C5: variants seen among roughly 807,000 people sequenced by gnomAD.
C5 encodes the protein complement C5, also known as C3 and PZP-like alpha-2-macroglobulin domain-containing protein 4.
C5 carries 140 observed loss-of-function variants against 218.8 expected under a neutral mutation model. That is an observed-to-expected ratio of 0.64 (90% CI 0.56 to 0.74). C5 has a LOEUF of 0.74. Among genes scored for constraint, C5 ranks in the 30% least tolerant of loss-of-function variants. The pLI is 0.00. For synonymous variants in C5, 614 were observed against 682.3 expected (o/e 0.90, Z 1.56); for missense variants, 1,700 against 1,969.6 (o/e 0.86, Z 2.59).
intron 25 of C5, among the ~76,000 whole-genome samples, chr9:120,984,559 T>C (rs574605359): frequency 6.6e-6 from 1 of 152,238 alleles, no homozygotes; most frequent in East Asian, 1.9e-4. Flanking sequence ...CATCTGTATA[T>C]ATAAAGATGC....
At chr9:121,012,944 C>A (rs539998826) in intron 17 of C5, among the ~76,000 whole-genome samples, 1 of 152,196 alleles carries the variant, frequency 6.6e-6, no homozygotes, top group South Asian at 2.1e-4. Flanking sequence ...CACATGTGGT[C>A]CATCATTGAT....
chr9:120,981,480 T>C (rs1325042597), intron 27 of C5, among the ~76,000 whole-genome samples: 4 of 152,178 alleles, frequency 2.6e-5, no homozygotes, highest in Admixed American at 2.6e-4. Flanking sequence ...AACAGTAACA[T>C]ATAAAGCAGG....
At chr9:121,038,443 T>C (rs759344475) in intron 3 of C5, among the ~76,000 whole-genome samples, 1 of 152,204 alleles carries the variant, frequency 6.6e-6, no homozygotes, top group Non-Finnish European at 1.5e-5. Context: ...TTAGCTCTTA[T>C]TGCAAAAGGC....
At chr9:120,980,951 T>G (rs752601343) in intron 27 of C5, among the ~76,000 whole-genome samples, 2 of 152,050 alleles carry the variant, frequency 1.3e-5, no homozygotes, top group Non-Finnish European at 2.9e-5. Flanking sequence ...GCACACAGGT[T>G]CAAAAGGAGT....
At position 120,981,850 on chromosome 9, in the gene C5, G is replaced by A; in HGVS notation, c.3480C>T (p.Pro1160=). 1.2e-6 allele frequency: 2 copies of A among 1,609,056 alleles called. No individual in the cohort carries two copies. Among genetic ancestry groups the A allele is most frequent in the Non-Finnish European group, 1.7e-6 (2 of 1,175,472 alleles). Residue 1160 remains proline, a synonymous_variant, in exon 27 of 41, where the codon CCC becomes CCT. Coordinates refer to ENST00000223642, the MANE Select transcript of C5 (RefSeq NM_001735.3). The part of the protein sequence containing the change: ...IGIRKAFDIC[P]LVKIDTALIK... ...AAAGAAAACTCTTACTTACCACCAG[G>A]GGGCATATATCGAAAGCCTTTCTAA...
At chr9:120,993,668 C>T (rs939603171) in intron 22 of C5, among the ~76,000 whole-genome samples, 14 of 152,108 alleles carry the variant, frequency 9.2e-5, no homozygotes, top group Non-Finnish European at 4.4e-5. Flanking sequence ...GTGATCCGCC[C>T]GCCTCAGCCT....
At chr9:121,007,650 A>G (rs1289574575) in intron 18 of C5, among the ~76,000 whole-genome samples, 1 of 152,212 alleles carries the variant, frequency 6.6e-6, no homozygotes, top group African/African-American at 2.4e-5. Context: ...CCTTTGAGGT[A>G]TTTACATTTT....
At chr9:120,976,597 T>C in intron 29 of C5, 103 bp downstream of exon 29, 1 of 902,312 alleles carries the variant, frequency 1.1e-6, no homozygotes, top group Admixed American at 1.7e-5. Flanking sequence ...TCATATCTAT[T>C]GCATGCTCAT....
chr9:121,028,394 C>G (rs924140243), intron 7 of C5, among the ~76,000 whole-genome samples: 1 of 152,186 alleles, frequency 6.6e-6, no homozygotes, highest in South Asian at 2.1e-4. Context: ...CACATGCACA[C>G]GTATGTTTAC....
upstream of C5, among the ~76,000 whole-genome samples, chr9:121,053,542 G>A (rs763902880): frequency 4.6e-5 from 7 of 152,008 alleles, no homozygotes; most frequent in African/African-American, 9.7e-5. Flanking sequence ...ATCCACGCAA[G>A]ACAGCACCTT....
At chr9:121,043,876 C>T (rs2047602766) in intron 2 of C5, among the ~76,000 whole-genome samples, 1 of 151,888 alleles carries the variant, frequency 6.6e-6, no homozygotes, top group African/African-American at 2.4e-5. Flanking sequence ...CTTAGTATTA[C>T]CTCACATATT....
At chr9:121,002,267 TATATGTATATATAC>T (rs1248645762) in intron 20 of C5, among the ~76,000 whole-genome samples, 3 of 134,164 alleles carry the variant, frequency 2.2e-5, no homozygotes, top group African/African-American at 8.0e-5. Context: ...TATATGTATA[TATATGTATATATAC>T]GTATATATGT....
chr9:120,965,185 G>C (rs576896566), intron 33 of C5, among the ~76,000 whole-genome samples: 17 of 152,054 alleles, frequency 1.1e-4, no homozygotes, highest in Non-Finnish European at 2.1e-4. Context: ...GTTAGTGAGG[G>C]GTCAGGGCAT....
At chr9:120,960,596 C>T (rs558978716) in intron 37 of C5, among the ~76,000 whole-genome samples, 2 of 152,350 alleles carry the variant, frequency 1.3e-5, no homozygotes, top group East Asian at 1.9e-4. Context: ...CAGCACACAG[C>T]CCAGGGCAGC....
rs1487464861 is a variant in C5 at position 121,046,254 on chromosome 9, A to G, written c.195T>C (p.Ser65=). The G allele has an allele frequency of 6.2e-7, 1 of 1,609,040 alleles. No individual in the cohort carries two copies. Among genetic ancestry groups the G allele is most frequent in the African/African-American group, 1.3e-5 (1 of 74,934 alleles). ...ATAAATGAACATGGCCTGAGGAGTA[A>G]CTAAATTTTTTATCAGGATAACTTT... ...SIKSYPDKKF[S]YSSGHVHLSS... Residue 65 remains serine, a synonymous_variant, in exon 2 of 41, where the codon AGT becomes AGC. Transcript: ENST00000223642.
intron 39 of C5, among the ~76,000 whole-genome samples, chr9:120,956,497 C>G (rs964425315): frequency 1.3e-5 from 2 of 151,876 alleles, no homozygotes; most frequent in African/African-American, 4.8e-5. Flanking sequence ...CCATACTGTC[C>G]AAAGCAATTT....
intron 29 of C5, among the ~76,000 whole-genome samples, chr9:120,975,392 C>T (rs576079116): frequency 5.5e-4 from 84 of 152,086 alleles, no homozygotes; most frequent in African/African-American, 2.0e-3. Context: ...GTTGGCCTAC[C>T]CCACTGCAAT....
chr9:120,955,103 A>G (rs1272203831), intron 39 of C5, among the ~76,000 whole-genome samples: 1 of 152,180 alleles, frequency 6.6e-6, no homozygotes, highest in East Asian at 1.9e-4. Context: ...GAGAAATACC[A>G]ATTTATCCTT....
chr9:120,989,215 T>G (rs1293425209), intron 24 of C5, 94 bp from the exon 25 acceptor site: 1 of 995,440 alleles, frequency 1.0e-6, no homozygotes, highest in Non-Finnish European at 1.6e-6. Flanking sequence ...TAAGCTTCCT[T>G]TGGTGTTGGG....
Sources: allele counts gnomAD v4.1 joint callset (sites outside exome capture counted in the v4.1 genomes callset), GRCh38; gene constraint gnomAD v4.1.1; transcripts MANE v1.5; gene names NCBI Gene and HGNC (gene_info 2026-07-23, HGNC 2026-07-21).